ARL15: variants seen among roughly 807,000 people sequenced by gnomAD.
ARL15 encodes the protein ADP-ribosylation factor-like protein 15.
Under a neutral mutation model 25.2 loss-of-function variants are expected in ARL15, and 19 were observed. The ratio of observed to expected loss-of-function variants is 0.75; its 90% CI spans 0.53 to 1.10. The LOEUF (loss-of-function observed/expected upper bound fraction) is 1.10. ARL15 is among the 50% of genes least tolerant of loss of function. The pLI is 0.00. For missense variants in ARL15, 220 were observed against 246.0 expected (o/e 0.89, Z 0.71); for synonymous variants, 94 against 86.8 (o/e 1.08, Z -0.46).
At chr5:53,942,941 C>T (rs999120860) in intron 4 of ARL15, among the ~76,000 whole-genome samples, 1 of 151,896 alleles carries the variant, frequency 6.6e-6, no homozygotes, top group African/African-American at 2.4e-5. Flanking sequence ...CTGTGGATTG[C>T]GTAGTAGTTG....
chr5:54,051,503 TCTTA>T (rs1750700828), intron 4 of ARL15, among the ~76,000 whole-genome samples: 1 of 152,194 alleles, frequency 6.6e-6, no homozygotes, highest in African/African-American at 2.4e-5. Flanking sequence ...ATAGTAAGTA[TCTTA>T]GTTTTTAAAA....
intron 4 of ARL15, among the ~76,000 whole-genome samples, chr5:53,941,805 C>A (rs1365059969): frequency 6.6e-6 from 1 of 152,144 alleles, no homozygotes; most frequent in Admixed American, 6.6e-5. Context: ...TTCCTCCCCT[C>A]CCCTCCACCT....
At chr5:54,172,802 A>T (rs1020394298) in intron 1 of ARL15, among the ~76,000 whole-genome samples, 12 of 152,238 alleles carry the variant, frequency 7.9e-5, no homozygotes, top group East Asian at 3.8e-4. Context: ...AAAAATTTTT[A>T]AAATCATTAA....
intron 1 of ARL15, among the ~76,000 whole-genome samples, chr5:54,285,913 C>T (rs35931): frequency 6.6e-6 from 1 of 151,940 alleles, no homozygotes; most frequent in Non-Finnish European, 1.5e-5. Context: ...CCGCGTGGGT[C>T]GAATCCTTTC....
chr5:54,084,424 C>CAG (rs1554039241), intron 4 of ARL15, among the ~76,000 whole-genome samples: 6 of 129,926 alleles, frequency 4.6e-5, no homozygotes, highest in Middle Eastern at 4.3e-3. Context: ...ACTGACTCTT[C>CAG]AAAAAAAAAA....
In ARL15 at chr5:54,039,801, A is replaced by AT. The variant is rs1491145058; in HGVS notation, c.462+73400_462+73401insA. Among the ~76,000 whole-genome samples the AT allele has an allele frequency of 5.8e-4, 7 of 11,980 alleles. No individual in the cohort carries two copies. The Admixed American group carries it at 8.4e-3, about 14-fold the overall frequency. The allele number at this position is 11,980 out of a possible 152,430, so 7.9% of individuals were successfully genotyped here. The stretch of plus-strand genomic sequence containing the variant: ...TGGGCAACAGAGCAAGACTCTGTCT[A>AT]AAAAAAAAAAAAAAAAAAAAAAAAA... On this transcript the variant is annotated intron_variant, in intron 4 of 4. Transcript: ENST00000504924.
At chr5:54,265,644 T>A (rs1457449798) in intron 1 of ARL15, among the ~76,000 whole-genome samples, 7 of 15,224 alleles carry the variant, frequency 4.6e-4, no homozygotes, top group Non-Finnish European at 1.3e-3. Flanking sequence ...ATAAAAAATG[T>A]TAACTATTGT....
intron 4 of ARL15, chr5:54,048,001 T>C (rs1033144205): frequency 1.3e-5 from 2 of 152,220 alleles, no homozygotes; most frequent in African/African-American, 4.8e-5. Context: ...ATTTCTGTTT[T>C]TGTTTTGAAA....
intron 4 of ARL15, among the ~76,000 whole-genome samples, chr5:54,049,870 C>T (rs1750652269): frequency 6.6e-6 from 1 of 152,090 alleles, no homozygotes; most frequent in Admixed American, 6.6e-5. Context: ...CGACTCCCAG[C>T]CTGAAATATA....
At chr5:54,303,875 T>C (rs975083886) in intron 1 of ARL15, among the ~76,000 whole-genome samples, 1 of 151,976 alleles carries the variant, frequency 6.6e-6, no homozygotes, top group Non-Finnish European at 1.5e-5. Context: ...AATCTATATG[T>C]GGTCACCTGG....
chr5:54,170,540 A>G (rs1754685975), intron 2 of ARL15, among the ~76,000 whole-genome samples: 1 of 152,202 alleles, frequency 6.6e-6, no homozygotes. Flanking sequence ...CATACACTGC[A>G]GCCACACACA....
chr5:54,047,976 G>A (rs1014240458), intron 4 of ARL15: 1 of 152,076 alleles, frequency 6.6e-6, no homozygotes, highest in African/African-American at 2.4e-5. Context: ...TTTCAGTTTT[G>A]TCTCCCTTTG....
intron 4 of ARL15, among the ~76,000 whole-genome samples, chr5:53,925,798 A>G (rs762368629): frequency 2.6e-5 from 4 of 152,014 alleles, no homozygotes; most frequent in Non-Finnish European, 5.9e-5. Context: ...ACAGAGCAAG[A>G]CCTTGTCTTT....
At chr5:53,963,541 C>T (rs983033956) in intron 4 of ARL15, among the ~76,000 whole-genome samples, 1 of 152,140 alleles carries the variant, frequency 6.6e-6, no homozygotes, top group African/African-American at 2.4e-5. Context: ...GGCGCAGTGG[C>T]TCACGCCTGT....
intron 4 of ARL15, among the ~76,000 whole-genome samples, chr5:53,920,371 T>C (rs1237496340): frequency 6.6e-6 from 1 of 152,000 alleles, no homozygotes; most frequent in Non-Finnish European, 1.5e-5. Flanking sequence ...ATATATGTTC[T>C]TGTCATTTTG....
chr5:54,210,945 C>T (rs972133107), intron 1 of ARL15, among the ~76,000 whole-genome samples: 3 of 152,124 alleles, frequency 2.0e-5, no homozygotes, highest in Non-Finnish European at 4.4e-5. Flanking sequence ...GCAAAACCAG[C>T]ACAATTACTA....
intron 1 of ARL15, among the ~76,000 whole-genome samples, chr5:54,237,294 GCCTCA>G (rs1382705900): frequency 1.3e-5 from 2 of 152,126 alleles, no homozygotes; most frequent in African/African-American, 4.8e-5. Flanking sequence ...GTTTCCTGAG[GCCTCA>G]CCTGCCATGT....
At chr5:54,104,622 T>A (rs1275109130) in intron 4 of ARL15, among the ~76,000 whole-genome samples, 2 of 152,144 alleles carry the variant, frequency 1.3e-5, no homozygotes, top group African/African-American at 2.4e-5. Flanking sequence ...TAAGATTTCA[T>A]ATTTTCTTCC....
intron 4 of ARL15, among the ~76,000 whole-genome samples, chr5:53,996,590 G>C (rs1748678838): frequency 7.5e-6 from 1 of 133,918 alleles, no homozygotes; most frequent in Non-Finnish European, 1.5e-5. Flanking sequence ...CTGCACTCCA[G>C]CCTGGGTGAC....
Sources: gnomAD v4.1 joint callset for allele counts (sites outside exome capture counted in the v4.1 genomes callset) on GRCh38, gnomAD v4.1.1 for gene constraint, MANE v1.5 for transcripts, NCBI Gene and HGNC (gene_info 2026-07-23, HGNC 2026-07-21) for gene names.